Variants in FARP2 observed in about 807,000 individuals in gnomAD.
FARP2 encodes FERM, ARH/RhoGEF and pleckstrin domain protein 2, also known as FERM, ARHGEF and pleckstrin domain-containing protein 2.
Under a neutral mutation model 130.5 loss-of-function variants are expected in FARP2, and 111 were observed. That is an observed-to-expected ratio of 0.85 (90% CI 0.73 to 1.00). The LOEUF is 1.00. Ranked by LOEUF, FARP2 falls within the 50% of genes least tolerant of loss-of-function variation. The probability of loss-of-function intolerance (pLI) is 0.00; values close to 1 mark genes in which losing one functional copy is unlikely to be tolerated. For synonymous variants in FARP2, 504 were observed against 516.9 expected (o/e 0.98, Z 0.34); for missense variants, 1,385 against 1,346.3 (o/e 1.03, Z -0.45).
At chr2:241,432,927 A>G (rs1425118005) in intron 9 of FARP2, among the ~76,000 whole-genome samples, 1 of 152,236 alleles carries the variant, frequency 6.6e-6, no homozygotes, top group Admixed American at 6.5e-5. Flanking sequence ...AGCTTTGCCT[A>G]CGCCTTTAAA....
intron 14 of FARP2, among the ~76,000 whole-genome samples, chr2:241,461,509 GCTGCCCGGT>G (rs1463300826): frequency 1.3e-5 from 2 of 152,206 alleles, no homozygotes; most frequent in African/African-American, 4.8e-5. Flanking sequence ...TGTCCCACAG[GCTGCCCGGT>G]CTGCTCTGAG....
At chr2:241,468,662 C>CT (rs1214087217) in intron 18 of FARP2, among the ~76,000 whole-genome samples, 8 of 152,220 alleles carry the variant, frequency 5.3e-5, no homozygotes, top group African/African-American at 1.9e-4. Flanking sequence ...GGGGATGACT[C>CT]TGATTGCCCT....
chr2:241,445,795 C>G (rs2063500237), intron 13 of FARP2: 1 of 152,190 alleles, frequency 6.6e-6, no homozygotes, highest in Non-Finnish European at 1.5e-5. Flanking sequence ...CAGTTACATC[C>G]AGAACCTTAA....
intron 18 of FARP2, among the ~76,000 whole-genome samples, chr2:241,470,486 G>A (rs1462025219): frequency 2.0e-5 from 3 of 150,400 alleles, no homozygotes; most frequent in Non-Finnish European, 4.4e-5. Context: ...TAAGAACACT[G>A]CTCTGAGGAG....
At chr2:241,407,684 A>AC in intron 5 of FARP2, 69 bp downstream of exon 5, 1 of 1,189,240 alleles carries the variant, frequency 8.4e-7, no homozygotes, top group South Asian at 1.3e-5. Flanking sequence ...CTCCCACAGC[A>AC]CCTGGCTCAT....
At chr2:241,377,357 CAG>C (rs2061562140) in intron 2 of FARP2, among the ~76,000 whole-genome samples, 1 of 135,408 alleles carries the variant, frequency 7.4e-6, no homozygotes, top group South Asian at 2.4e-4. Context: ...TTTTTTGAGA[CAG>C]AGTCTCGCTC....
chr2:241,434,457 ATAAC>A (rs2063168346), intron 10 of FARP2, 136 bp downstream of exon 10: 1 of 646,754 alleles, frequency 1.5e-6, no homozygotes, highest in Admixed American at 3.7e-5. Context: ...TTGTGAAAGA[ATAAC>A]TAGAGGAAGC....
chr2:241,469,324 A>C (rs1306450428), intron 18 of FARP2, among the ~76,000 whole-genome samples: 1 of 152,084 alleles, frequency 6.6e-6, no homozygotes, highest in Non-Finnish European at 1.5e-5. Flanking sequence ...TGACCTCGTG[A>C]TCCGCCTGCC....
intron 21 of FARP2, among the ~76,000 whole-genome samples, chr2:241,486,524 C>CATT (rs60071288): frequency 0.8 from 117,726 of 147,076 alleles, 47,314 homozygotes; most frequent in East Asian, 0.95. Context: ...ACTCTATCAT[C>CATT]GTACCCACTC....
rs1193632760 is a variant in FARP2, at chr2:241,468,376, T to C, written c.2130T>C (p.His710=). The change falls in exon 18 of 27, where the codon CAT becomes CAC. Residue 710 remains histidine, a splice_region_variant and synonymous_variant. Transcript: ENST00000264042. Reference sequence around the variant, plus strand: ...GGCACCATGACTACGCTGACTGCCATGGTGAGTGTGGGTGCGGCCCTGCAT... The same window carrying C: ...GGCACCATGACTACGCTGACTGCCACGGTGAGTGTGGGTGCGGCCCTGCAT... ...SPGHHDYADC[H]DALKAITEVT... is the part of the protein sequence containing the mutation. 1 of 1,608,302 alleles carries C rather than the reference T, an allele frequency of 6.2e-7. No homozygotes were observed. Among genetic ancestry groups the C allele is most frequent in the Non-Finnish European group, 8.5e-7 (1 of 1,175,934 alleles).
Position 241,373,116 on chromosome 2 carries a change from G to T in FARP2, c.9G>T (p.Glu3Asp). 1 of 1,393,682 alleles carries T rather than the reference G, an allele frequency of 7.2e-7. No homozygotes were observed. The allele number at this position is 1,393,682 out of a possible 1,614,324, so 86.3% of individuals were successfully genotyped here. A position where few individuals can be genotyped will look rare whatever the true frequency, so the allele number is the denominator to read the frequency against. The change falls in exon 2 of 27, where the codon GAG becomes GAT. Residue 3 changes from glutamate to aspartate, a missense_variant. Transcript: ENST00000264042. Reference protein sequence around the residue: MGEIEGTYRVLQT... With the variant: MGDIEGTYRVLQT... ...TTCACTCATGGTGAAGAATGGGGGA[G>T]ATAGAAGGAACATACAGAGTCCTGC...
At chr2:241,484,175 C>A (rs531999286) in intron 20 of FARP2, 67 bp from the exon 21 acceptor site, 524 of 1,602,940 alleles carry the variant, frequency 3.3e-4, no homozygotes, top group South Asian at 9.6e-4. Flanking sequence ...AGCCAGAGTC[C>A]AAGTTGGTCT....
In FARP2 at chr2:241,411,524, T is replaced by TA. The variant is rs140719732; in HGVS notation, c.508+395dup. ...CAGTCCTCTCAGATTAGTAAAGCAT[T>TA]AGCCATGAAGGAAAAAGAAGACATT... On this transcript the variant is annotated intron_variant, in intron 6 of 26. Transcript: ENST00000264042. Among the ~76,000 whole-genome samples, 821 of 152,348 alleles carry TA rather than the reference T, an allele frequency of 5.4e-3. 15 individuals are homozygous for TA. The highest frequency in any genetic ancestry group is 0.018 in the African/African-American group (769 of 41,572).
chr2:241,450,884 G>A (rs62190374), intron 13 of FARP2, among the ~76,000 whole-genome samples: 5 of 151,594 alleles, frequency 3.3e-5, no homozygotes, highest in Admixed American at 6.6e-5. Context: ...TCCAGGAAGC[G>A]GAGGTTGTAG....
chr2:241,357,779 T>C (rs1225880558), intron 1 of FARP2, among the ~76,000 whole-genome samples: 1 of 152,244 alleles, frequency 6.6e-6, no homozygotes, highest in Non-Finnish European at 1.5e-5. Flanking sequence ...TATTTACCTA[T>C]AGGACTATCA....
intron 4 of FARP2, among the ~76,000 whole-genome samples, chr2:241,406,831 G>A (rs10180733): frequency 0.19 from 28,740 of 151,616 alleles, 3,054 homozygotes; most frequent in Middle Eastern, 0.34. Context: ...TTTTTGAGAC[G>A]GAGTCTCGCT....
At chr2:241,410,905 G>A (rs994313236) in intron 5 of FARP2, 128 bp from the exon 6 acceptor site, 11 of 642,300 alleles carry the variant, frequency 1.7e-5, no homozygotes, top group Non-Finnish European at 2.8e-5. Flanking sequence ...ACCGCCTTGC[G>A]TTTTGCTCAC....
At chr2:241,439,101 A>G (rs1357068025) in intron 12 of FARP2, among the ~76,000 whole-genome samples, 2 of 150,992 alleles carry the variant, frequency 1.3e-5, no homozygotes, top group East Asian at 1.9e-4. Flanking sequence ...TTGCAGCCTC[A>G]ACCTCCCAGG....
At chr2:241,458,351 G>T (rs2063921182) in intron 14 of FARP2, among the ~76,000 whole-genome samples, 1 of 152,134 alleles carries the variant, frequency 6.6e-6, no homozygotes, top group African/African-American at 2.4e-5. Flanking sequence ...TCCTGCTTTG[G>T]CCCGAATTGG....
Sources: allele counts gnomAD v4.1 joint callset (sites outside exome capture counted in the v4.1 genomes callset), GRCh38; gene constraint gnomAD v4.1.1; transcripts MANE v1.5; gene names NCBI Gene and HGNC (gene_info 2026-07-23, HGNC 2026-07-21).